The following CHODL variants were observed in gnomAD, a reference collection of about 807,000 sequenced individuals.
CHODL encodes transmembrane protein MT75.
CHODL carries 29 observed loss-of-function variants against 34.5 expected under a neutral mutation model. That is an observed-to-expected ratio of 0.84 (90% CI 0.63 to 1.15). The LOEUF is 1.15. CHODL is among the 50% of genes most tolerant of loss of function. The probability of loss-of-function intolerance (pLI) is 0.00; values close to 1 mark genes in which losing one functional copy is unlikely to be tolerated. For synonymous variants in CHODL, 125 were observed against 116.1 expected (o/e 1.08, Z -0.49); for missense variants, 332 against 332.5 (o/e 1.00, Z 0.01).
At chr21:18,074,663 T>C (rs1040273246) in intron 2 of CHODL, among the ~76,000 whole-genome samples, 5 of 152,198 alleles carry the variant, frequency 3.3e-5, no homozygotes, top group African/African-American at 1.2e-4. Flanking sequence ...TTCTTACTTT[T>C]TTCTTCCACA....
intron 2 of CHODL, among the ~76,000 whole-genome samples, chr21:18,201,150 A>G (rs1265016839): frequency 6.6e-6 from 1 of 152,208 alleles, no homozygotes; most frequent in Non-Finnish European, 1.5e-5. Flanking sequence ...TCAGGAACAC[A>G]AAGATATGAA....
chr21:17,933,056 C>G (rs1369416924), intron 1 of CHODL, among the ~76,000 whole-genome samples: 2 of 152,196 alleles, frequency 1.3e-5, no homozygotes, highest in Non-Finnish European at 2.9e-5. Context: ...ATAAACATCT[C>G]AATGCCTTAA....
chr21:18,257,446 A>G (rs2074331409), intron 3 of CHODL, among the ~76,000 whole-genome samples: 1 of 152,196 alleles, frequency 6.6e-6, no homozygotes, highest in South Asian at 2.1e-4. Flanking sequence ...TATTTTAAAC[A>G]TTACTATAAT....
intron 1 of CHODL, among the ~76,000 whole-genome samples, chr21:18,013,167 G>T (rs1220592108): frequency 3.3e-5 from 5 of 151,946 alleles, no homozygotes; most frequent in African/African-American, 1.2e-4. Flanking sequence ...ACTCTCTATT[G>T]ACTCATTTTC....
intron 2 of CHODL, among the ~76,000 whole-genome samples, chr21:18,120,041 A>G (rs2065460838): frequency 6.6e-6 from 1 of 152,174 alleles, no homozygotes; most frequent in Non-Finnish European, 1.5e-5. Context: ...TGGTGGTTGC[A>G]AGTCCTTGTG....
intron 1 of CHODL, among the ~76,000 whole-genome samples, chr21:18,013,484 T>G (rs920147710): frequency 1.3e-5 from 2 of 152,050 alleles, no homozygotes; most frequent in African/African-American, 4.8e-5. Context: ...CTTGCCAAAA[T>G]TAGGGGTAAT....
intron 1 of CHODL, among the ~76,000 whole-genome samples, chr21:18,250,456 A>C (rs1408580306): frequency 6.6e-6 from 1 of 151,902 alleles, no homozygotes; most frequent in Non-Finnish European, 1.5e-5. Context: ...ATTATAAATA[A>C]AATTATAAAT....
intron 2 of CHODL, among the ~76,000 whole-genome samples, chr21:18,117,387 A>G (rs546382569): frequency 3.3e-5 from 5 of 152,310 alleles, no homozygotes; most frequent in African/African-American, 9.6e-5. Context: ...TCTGCTAACC[A>G]TCTGCTAGAT....
intron 1 of CHODL, among the ~76,000 whole-genome samples, chr21:18,010,582 C>G (rs1185331254): frequency 6.6e-6 from 1 of 152,098 alleles, no homozygotes; most frequent in Non-Finnish European, 1.5e-5. Flanking sequence ...AATCAGGGAC[C>G]CACTTTTCCA....
chr21:18,265,041 G>A (rs1413462658), intron 5 of CHODL, among the ~76,000 whole-genome samples: 1 of 151,898 alleles, frequency 6.6e-6, no homozygotes. Flanking sequence ...CAAAATAATT[G>A]ATCAAAGAAA....
intron 1 of CHODL, among the ~76,000 whole-genome samples, chr21:17,958,595 A>G (rs1256627143): frequency 5.3e-5 from 8 of 152,220 alleles, no homozygotes; most frequent in Admixed American, 4.6e-4. Context: ...TGGTAGGAAC[A>G]GGCATCCAGT....
At chr21:18,082,082 G>A (rs912159440) in intron 2 of CHODL, among the ~76,000 whole-genome samples, 3 of 152,148 alleles carry the variant, frequency 2.0e-5, no homozygotes, top group Admixed American at 1.3e-4. Context: ...CATGTGTCAG[G>A]GAAGGGCCCT....
rs565121477 is a variant in CHODL at position 18,092,116 on chromosome 21, G to A, written c.-45+64145G>A. 1.1e-4 allele frequency among the ~76,000 whole-genome samples: 17 copies of A among 152,226 alleles called. No homozygotes were observed. The South Asian group carries it at 2.3e-3, about 20-fold the overall frequency. ...GAGCAGTTCCAATGTTGGTGGCCAC[G>A]GAAATGCTTACATCATCACACCCCC... On this transcript the variant is annotated intron_variant, in intron 2 of 6. Transcript: ENST00000400127.
chr21:17,950,681 G>A (rs976797539), intron 1 of CHODL, among the ~76,000 whole-genome samples: 5 of 152,144 alleles, frequency 3.3e-5, no homozygotes, highest in African/African-American at 1.2e-4. Context: ...GGCTGGGTAG[G>A]CAGAGGAGCA....
chr21:17,964,853 A>G (rs917518323), intron 1 of CHODL, among the ~76,000 whole-genome samples: 1 of 152,184 alleles, frequency 6.6e-6, no homozygotes, highest in African/African-American at 2.4e-5. Flanking sequence ...CATTTTTAAT[A>G]TGTGTCACAG....
intron 1 of CHODL, among the ~76,000 whole-genome samples, chr21:17,935,434 C>G (rs2063311485): frequency 6.6e-6 from 1 of 152,156 alleles, no homozygotes; most frequent in South Asian, 2.1e-4. Flanking sequence ...TTCCATTACT[C>G]CGTATTTCTT....
At chr21:18,256,185 C>T (rs929912363) in intron 1 of CHODL, among the ~76,000 whole-genome samples, 5 of 151,914 alleles carry the variant, frequency 3.3e-5, no homozygotes, top group Admixed American at 3.3e-4. Context: ...CTTTACTATA[C>T]ACTCCTGAAA....
intron 2 of CHODL, among the ~76,000 whole-genome samples, chr21:18,194,737 T>A (rs2073562107): frequency 6.6e-6 from 1 of 152,148 alleles, no homozygotes; most frequent in Admixed American, 6.6e-5. Context: ...ATCTATCACC[T>A]TACATACTTA....
intron 2 of CHODL, among the ~76,000 whole-genome samples, chr21:18,116,543 TC>T (rs1459089029): frequency 6.6e-6 from 1 of 152,236 alleles, no homozygotes; most frequent in African/African-American, 2.4e-5. Context: ...CCTTTTATTT[TC>T]TTTTTTGTTT....
Sources: gnomAD v4.1 joint callset for allele counts (sites outside exome capture counted in the v4.1 genomes callset) on GRCh38, gnomAD v4.1.1 for gene constraint, MANE v1.5 for transcripts, NCBI Gene and HGNC (gene_info 2026-07-23, HGNC 2026-07-21) for gene names.